Variants in NRG1 observed in about 807,000 individuals in gnomAD.
NRG1 encodes the protein pro-neuregulin-1, membrane-bound isoform.
Under a neutral mutation model 63.8 loss-of-function variants are expected in NRG1, and 18 were observed. The ratio of observed to expected loss-of-function variants is 0.28; its 90% CI spans 0.19 to 0.42. NRG1 has a LOEUF of 0.42. Ranked by LOEUF, NRG1 falls within the 10% of genes least tolerant of loss-of-function variation. The pLI is 1.00. For synonymous variants in NRG1, 302 were observed against 301.3 expected (o/e 1.00, Z -0.02); for missense variants, 762 against 814.7 (o/e 0.94, Z 0.79).
intron 5 of NRG1, among the ~76,000 whole-genome samples, chr8:32,686,398 A>G (rs1810129988): frequency 6.6e-6 from 1 of 152,218 alleles, no homozygotes; most frequent in East Asian, 1.9e-4. Flanking sequence ...GAGTGAGGAT[A>G]GCTGGAAATA....
At chr8:32,269,798 T>G (rs1851355936) in intron 1 of NRG1, among the ~76,000 whole-genome samples, 1 of 152,196 alleles carries the variant, frequency 6.6e-6, no homozygotes, top group Non-Finnish European at 1.5e-5. Context: ...TGCAAGCAGG[T>G]AGGCAGAAAA....
chr8:32,331,013 T>C (rs866338086), intron 1 of NRG1, among the ~76,000 whole-genome samples: 5 of 152,154 alleles, frequency 3.3e-5, no homozygotes, highest in Non-Finnish European at 7.3e-5. Context: ...TTTATTCTTC[T>C]AGTATGAGAG....
At chr8:32,254,759 G>T (rs1387796849) in intron 1 of NRG1, among the ~76,000 whole-genome samples, 1 of 152,172 alleles carries the variant, frequency 6.6e-6, no homozygotes, top group African/African-American at 2.4e-5. Flanking sequence ...TCTGTCTAAT[G>T]TTGACAGTCA....
chr8:32,530,381 A>G (rs918718586), intron 1 of NRG1, among the ~76,000 whole-genome samples: 16 of 152,172 alleles, frequency 1.1e-4, no homozygotes, highest in Admixed American at 9.8e-4. Context: ...TGCTGGGATT[A>G]CAGGCGTGAG....
At chr8:31,985,870 T>C (rs1222624146) in intron 1 of NRG1, among the ~76,000 whole-genome samples, 1 of 152,156 alleles carries the variant, frequency 6.6e-6, no homozygotes. Flanking sequence ...TTATTGATGA[T>C]GTATCCTTGT....
chr8:32,240,468 A>G (rs1481730), intron 1 of NRG1, among the ~76,000 whole-genome samples: 113,436 of 152,010 alleles, frequency 0.75, 43,411 homozygotes, highest in African/African-American at 0.91. Flanking sequence ...TGAGGAAGCT[A>G]TTCTGTATCC....
At position 31,790,599 on chromosome 8, in the gene NRG1, G is replaced by A. The variant is rs571706820; in HGVS notation, c.37+151168G>A. On this transcript the variant is annotated intron_variant, in intron 1 of 10. Transcript: ENST00000519301. ...TGTTCAATAGAGAATTTTTAAATTA[G>A]CATCTGTAGCTCTGTTAGGAGGGAA... 3.3e-5 allele frequency among the ~76,000 whole-genome samples: 5 copies of A among 152,252 alleles called. No homozygotes were observed. In the South Asian group the frequency reaches 6.2e-4, roughly 19 times the overall value.
At chr8:31,742,096 GA>G (rs1815335480) in intron 1 of NRG1, among the ~76,000 whole-genome samples, 1 of 151,970 alleles carries the variant, frequency 6.6e-6, no homozygotes, top group African/African-American at 2.4e-5. Flanking sequence ...GCAAGAAGCA[GA>G]AAAGACCATA....
chr8:32,659,791 T>G (rs1042692655), intron 5 of NRG1, among the ~76,000 whole-genome samples: 2 of 152,102 alleles, frequency 1.3e-5, no homozygotes, highest in African/African-American at 4.8e-5. Flanking sequence ...ATATTATTTT[T>G]TCTCTTCCAT....
chr8:32,199,510 C>G (rs1335782716), intron 1 of NRG1, among the ~76,000 whole-genome samples: 1 of 152,138 alleles, frequency 6.6e-6, no homozygotes, highest in Non-Finnish European at 1.5e-5. Flanking sequence ...TCTAAATTAG[C>G]CTACATAAGA....
intron 1 of NRG1, among the ~76,000 whole-genome samples, chr8:31,799,510 A>T (rs890208491): frequency 6.6e-6 from 1 of 152,126 alleles, no homozygotes; most frequent in Non-Finnish European, 1.5e-5. Context: ...TAATATTCAC[A>T]GTATCCATGA....
intron 5 of NRG1, among the ~76,000 whole-genome samples, chr8:32,707,377 G>A (rs190970926): frequency 6.6e-6 from 1 of 152,090 alleles, no homozygotes; most frequent in Admixed American, 6.5e-5. Flanking sequence ...ATACTCCTGA[G>A]AGAAAGATAT....
intron 1 of NRG1, among the ~76,000 whole-genome samples, chr8:32,476,322 T>G (rs1824512195): frequency 6.7e-6 from 1 of 148,458 alleles, no homozygotes; most frequent in African/African-American, 2.6e-5. Flanking sequence ...CTTCAGGGGC[T>G]ATCCCTCGTG....
At chr8:32,758,653 C>T (rs773736170) in intron 9 of NRG1, among the ~76,000 whole-genome samples, 1 of 150,096 alleles carries the variant, frequency 6.7e-6, no homozygotes, top group East Asian at 2.0e-4. Flanking sequence ...AATCTACCTG[C>T]ATTAAATAGA....
intron 1 of NRG1, among the ~76,000 whole-genome samples, chr8:32,469,180 G>A (rs747937238): frequency 2.0e-5 from 3 of 152,178 alleles, no homozygotes; most frequent in African/African-American, 4.8e-5. Context: ...AGATTGAGAA[G>A]TGATATAACA....
rs182092613 is a variant in NRG1, at chr8:32,461,940, C to T, written c.38-133888C>T. ...CTTCATAAAATAAGAAGCTTGAACT[C>T]GAAAAGTTTTAGATGCGAAGTTCCC... is the stretch of plus-strand genomic sequence containing the variant. On this transcript the variant is annotated intron_variant, in intron 1 of 10. Coordinates refer to the NRG1 transcript ENST00000519301. 1.6e-3 allele frequency among the ~76,000 whole-genome samples: 236 copies of T among 152,180 alleles called. 1 individual carries two copies. The highest frequency in any genetic ancestry group is 5.5e-3 in the African/African-American group (228 of 41,532).
chr8:31,854,329 G>A (rs1827605327), intron 1 of NRG1, among the ~76,000 whole-genome samples: 1 of 152,104 alleles, frequency 6.6e-6, no homozygotes, highest in Non-Finnish European at 1.5e-5. Flanking sequence ...CTTCTTCCTG[G>A]TTTAGTCTTG....
chr8:32,225,216 CCT>C (rs1180585971), intron 1 of NRG1, among the ~76,000 whole-genome samples: 6 of 152,152 alleles, frequency 3.9e-5, no homozygotes, highest in African/African-American at 1.4e-4. Context: ...GCCAAATAGT[CCT>C]CTAGTTAGTA....
At chr8:32,067,347 T>A (rs1174672629) in intron 1 of NRG1, among the ~76,000 whole-genome samples, 1 of 152,180 alleles carries the variant, frequency 6.6e-6, no homozygotes. Flanking sequence ...GCGCTTATTA[T>A]TTTGAGGTAC....
Sources: gnomAD v4.1 joint callset for allele counts (sites outside exome capture counted in the v4.1 genomes callset) on GRCh38, gnomAD v4.1.1 for gene constraint, MANE v1.5 for transcripts, NCBI Gene and HGNC (gene_info 2026-07-23, HGNC 2026-07-21) for gene names.